TRIP4: variants seen among roughly 807,000 people sequenced by gnomAD.
TRIP4 encodes the protein thyroid hormone receptor interactor 4, also known as activating signal cointegrator 1.
In TRIP4, 54 loss-of-function variants were observed where a neutral mutation model predicts 81.8. The observed-to-expected ratio is 0.66, with a 90% CI of 0.53 to 0.83. The LOEUF is 0.83. Ranked by LOEUF, TRIP4 falls within the 40% of genes least tolerant of loss-of-function variation. The pLI, the probability that TRIP4 is intolerant of heterozygous loss-of-function variation, is 0.00. For missense variants in TRIP4, 662 were observed against 683.6 expected, an observed-to-expected ratio of 0.97 and a Z score of 0.35; for synonymous variants, 270 against 242.8, an observed-to-expected ratio of 1.11 and a Z score of -1.04.
At chr15:64,440,754 C>T (rs1022120888) in intron 11 of TRIP4, among the ~76,000 whole-genome samples, 1 of 152,078 alleles carries the variant, frequency 6.6e-6, no homozygotes, top group Admixed American at 6.6e-5. Context: ...AATTTGTCCA[C>T]CATTTTTCCA....
intron 12 of TRIP4, chr15:64,450,754 C>T: frequency 4.4e-6 from 2 of 455,844 alleles, no homozygotes; most frequent in Non-Finnish European, 8.8e-6. Context: ...TATTAGCTTT[C>T]CATTTTAGAC....
intron 9 of TRIP4, among the ~76,000 whole-genome samples, chr15:64,423,549 T>TTAAA (rs1375307044): frequency 2.0e-5 from 3 of 151,924 alleles, no homozygotes; most frequent in Non-Finnish European, 4.4e-5. Context: ...TTAAATTATT[T>TTAAA]TAAATAAATA....
chr15:64,427,009 A>G (rs1869132953), intron 11 of TRIP4, among the ~76,000 whole-genome samples: 1 of 149,818 alleles, frequency 6.7e-6, no homozygotes, highest in East Asian at 1.9e-4. Flanking sequence ...CAAAAAAAAG[A>G]AAAAAAAAAG....
At chr15:64,388,933 C>T (rs949933972) in intron 1 of TRIP4, among the ~76,000 whole-genome samples, 3 of 152,106 alleles carry the variant, frequency 2.0e-5, no homozygotes, top group East Asian at 1.9e-4. Flanking sequence ...ACATTTGTTG[C>T]GCTGCTGTTA....
At chr15:64,397,423 T>C (rs1900325919) in intron 3 of TRIP4, among the ~76,000 whole-genome samples, 183 bp from the exon 4 acceptor site, 1 of 152,236 alleles carries the variant, frequency 6.6e-6, no homozygotes, top group African/African-American at 2.4e-5. Context: ...CTAGTTTTTC[T>C]AGAGTATAAC....
intron 10 of TRIP4, among the ~76,000 whole-genome samples, chr15:64,424,559 A>G (rs146954015): frequency 3.5e-4 from 53 of 152,312 alleles, no homozygotes; most frequent in African/African-American, 1.3e-3. Flanking sequence ...GATTTAAGCA[A>G]CGTATTTTGG....
intron 1 of TRIP4, among the ~76,000 whole-genome samples, chr15:64,390,354 C>T (rs759887876): frequency 4.7e-5 from 7 of 150,156 alleles, no homozygotes; most frequent in African/African-American, 1.2e-4. Context: ...CTCAGTTACT[C>T]GGAAGGCTGA....
intron 11 of TRIP4, among the ~76,000 whole-genome samples, chr15:64,442,624 TA>T (rs5813301): frequency 4.1e-5 from 6 of 144,692 alleles, no homozygotes; most frequent in Admixed American, 6.9e-5. Flanking sequence ...AGAGTGAAGA[TA>T]AAAAAAAAAA....
chr15:64,396,782 A>G (rs1227483327), intron 3 of TRIP4, among the ~76,000 whole-genome samples: 2 of 152,248 alleles, frequency 1.3e-5, no homozygotes. Context: ...TCTGTTTAGT[A>G]TATATCTAGG....
chr15:64,424,825 G>A (rs1892102944), intron 10 of TRIP4, among the ~76,000 whole-genome samples: 1 of 152,080 alleles, frequency 6.6e-6, no homozygotes, highest in Non-Finnish European at 1.5e-5. Context: ...AACCAGACTG[G>A]AGTGCAGTGG....
rs1892249743 is a variant in TRIP4 at position 64,430,684 on chromosome 15, T to C, written c.1575+5053T>C. On this transcript the variant is annotated intron_variant, in intron 11 of 12. Coordinates refer to ENST00000261884, the MANE Select transcript of TRIP4 (RefSeq NM_016213.5). ...CCTGCCTTCAATAGAAAATCTGATT[T>C]GTCTGAAATCTCCAAGGTCATTGAT... is the stretch of plus-strand genomic sequence containing the variant. Among the ~76,000 whole-genome samples the C allele has an allele frequency of 2.0e-5, 3 of 152,224 alleles. No individual in the cohort carries two copies. The South Asian group carries it at 6.2e-4, about 32-fold the overall frequency.
In TRIP4 at chr15:64,387,885, T is replaced by G. The variant is rs1422731390; in HGVS notation, c.22T>G (p.Ser8Ala). 1.3e-6 allele frequency: 2 copies of G among 1,548,302 alleles called. No homozygotes were observed. The highest frequency in any genetic ancestry group is 3.9e-5 in the Admixed American group (2 of 50,864). MAVAGAV[S>A]GEPLVHWCTQ... Reference sequence around the variant, plus strand: ...GAAGATGGCGGTGGCTGGGGCGGTGTCCGGGGAGCCGCTGGTGCACTGGTG... The same window carrying G: ...GAAGATGGCGGTGGCTGGGGCGGTGGCCGGGGAGCCGCTGGTGCACTGGTG... The change falls in exon 1 of 13, where the codon TCC becomes GCC. Residue 8 changes from serine to alanine, a missense_variant. Transcript: ENST00000261884.
At position 64,425,636 on chromosome 15, in the gene TRIP4, G is replaced by A; in HGVS notation, c.1575+5G>A. 1 of 1,602,014 alleles carries A rather than the reference G, an allele frequency of 6.2e-7. No homozygotes were observed. The highest frequency in any genetic ancestry group is 1.1e-5 in the South Asian group (1 of 89,158). Reference sequence around the variant, plus strand: ...CAGAAGCAATTTAAGGAGCAGGTGAGTAAAGAATACTTTTTTTTTTTAGAG... The same window carrying A: ...CAGAAGCAATTTAAGGAGCAGGTGAATAAAGAATACTTTTTTTTTTTAGAG... On this transcript the variant is annotated splice_donor_5th_base_variant and intron_variant, in intron 11 of 12. Transcript: ENST00000261884.
chr15:64,400,681 A>C, intron 4 of TRIP4, 62 bp from the exon 5 acceptor site: 3 of 1,313,618 alleles, frequency 2.3e-6, no homozygotes, highest in Non-Finnish European at 3.3e-6. Context: ...ACTTTTAGAT[A>C]TATCAAGAAA....
intron 11 of TRIP4, among the ~76,000 whole-genome samples, chr15:64,436,164 A>T (rs1277813026): frequency 6.6e-6 from 1 of 152,138 alleles, no homozygotes; most frequent in South Asian, 2.1e-4. Context: ...GTGTGGTGAC[A>T]TATGCCTGTG....
At chr15:64,417,546 C>G (rs1368034863) in intron 8 of TRIP4, among the ~76,000 whole-genome samples, 1 of 152,182 alleles carries the variant, frequency 6.6e-6, no homozygotes, top group Admixed American at 6.5e-5. Flanking sequence ...GGTATCGTTG[C>G]TCTGGAAGAA....
chr15:64,426,700 A>T (rs1378303352), intron 11 of TRIP4, among the ~76,000 whole-genome samples: 1 of 13,426 alleles, frequency 7.4e-5, no homozygotes. Flanking sequence ...ACTCTGTCTC[A>T]AAAAAAAAAA....
chr15:64,394,452 A>G (rs2140550060), intron 2 of TRIP4, among the ~76,000 whole-genome samples: 1 of 152,192 alleles, frequency 6.6e-6, no homozygotes, highest in African/African-American at 2.4e-5. Context: ...AAAAATACAA[A>G]AAGTTAGCCA....
intron 11 of TRIP4, among the ~76,000 whole-genome samples, chr15:64,435,579 T>G (rs913110295): frequency 1.3e-5 from 2 of 151,100 alleles, no homozygotes; most frequent in African/African-American, 4.9e-5. Flanking sequence ...AATCATACAT[T>G]CATTAAGTAT....
Sources: allele counts gnomAD v4.1 joint callset (sites outside exome capture counted in the v4.1 genomes callset), GRCh38; gene constraint gnomAD v4.1.1; transcripts MANE v1.5; gene names NCBI Gene and HGNC (gene_info 2026-07-23, HGNC 2026-07-21).